The following SSBP3 variants were observed in gnomAD, a reference collection of about 807,000 sequenced individuals.
SSBP3 encodes single-stranded DNA-binding protein 3.
Under a neutral mutation model 69.6 loss-of-function variants are expected in SSBP3, and 5 were observed. That is an observed-to-expected ratio of 0.07 (90% CI 0.04 to 0.15). The LOEUF is 0.15. Ranked by LOEUF, SSBP3 falls within the 10% of genes least tolerant of loss-of-function variation. The pLI, the probability that SSBP3 is intolerant of heterozygous loss-of-function variation, is 1.00. For missense variants in SSBP3, 312 were observed against 534.0 expected, an observed-to-expected ratio of 0.58 and a Z score of 4.10; for synonymous variants, 196 against 193.4, an observed-to-expected ratio of 1.01 and a Z score of -0.11.
chr1:54,335,329 C>T (rs959845229), intron 4 of SSBP3, among the ~76,000 whole-genome samples: 3 of 152,162 alleles, frequency 2.0e-5, no homozygotes, highest in Non-Finnish European at 2.9e-5. Context: ...TATTACATTC[C>T]GACAATGTTT....
upstream of SSBP3, among the ~76,000 whole-genome samples, chr1:54,410,842 G>T (rs1207466769): frequency 6.6e-6 from 1 of 152,202 alleles, no homozygotes; most frequent in Non-Finnish European, 1.5e-5. Context: ...GTCAGTGTTG[G>T]CTGAGCCCAA....
In SSBP3 at chr1:54,279,647, A is replaced by G. The variant is rs3820106; in HGVS notation, c.366+1791T>C. 3.5e-3 allele frequency among the ~76,000 whole-genome samples: 540 copies of G among 152,340 alleles called. 14 individuals are homozygous for G. The South Asian group carries it at 0.05, about 14-fold the overall frequency. On this transcript the variant is annotated intron_variant, in intron 5 of 17. Coordinates refer to ENST00000610401, the Ensembl canonical transcript of SSBP3. ...AAGCCACATCTGCACTGTCTCAAGA[A>G]CATCCATGGCATGTGAGCCTAGAAA...
rs144075450 is a variant in SSBP3 at position 54,259,617 on chromosome 1, G to A, written c.367-1468C>T. ...GTGGCTAAATTAAAAAGAGAGAGGAGCTGCCTAGGTAGGGTTTCCCCCTTG... is the reference window on the plus strand; with the variant it reads ...GTGGCTAAATTAAAAAGAGAGAGGAACTGCCTAGGTAGGGTTTCCCCCTTG... On this transcript the variant is annotated intron_variant, in intron 5 of 17. Coordinates refer to ENST00000610401, the Ensembl canonical transcript of SSBP3. 3.0e-3 allele frequency among the ~76,000 whole-genome samples: 451 copies of A among 152,374 alleles called. 2 individuals carry two copies. The highest frequency in any genetic ancestry group is 6.8e-3 in the Middle Eastern group (2 of 294).
chr1:54,353,551 G>C (rs961947518), intron 4 of SSBP3, among the ~76,000 whole-genome samples: 2 of 152,176 alleles, frequency 1.3e-5, no homozygotes, highest in Non-Finnish European at 2.9e-5. Context: ...CCCAGAAGGG[G>C]AATGGGAGTG....
upstream of SSBP3, among the ~76,000 whole-genome samples, chr1:54,408,551 C>T (rs535253408): frequency 3.9e-5 from 6 of 152,294 alleles, no homozygotes; most frequent in Non-Finnish European, 7.4e-5. Context: ...TGCCCTTCTC[C>T]GGCCCTGCTA....
intron 4 of SSBP3, among the ~76,000 whole-genome samples, chr1:54,359,803 G>A (rs562412205): frequency 8.5e-5 from 13 of 152,194 alleles, no homozygotes; most frequent in Non-Finnish European, 1.5e-4. Flanking sequence ...TCAGGAGGGT[G>A]CGATGCCATC....
intron 3 of SSBP3, 126 bp downstream of exon 3, chr1:54,404,450 C>A (rs760298392): frequency 6.0e-6 from 7 of 1,160,538 alleles, no homozygotes; most frequent in Non-Finnish European, 8.9e-6. Context: ...CCTCGAGGTG[C>A]CCCGCTCTGT....
At position 54,305,362 on chromosome 1, in the gene SSBP3, G is replaced by A. The variant is rs577973613; in HGVS notation, c.277-23835C>T. Among the ~76,000 whole-genome samples the A allele has an allele frequency of 2.9e-4, 41 of 143,204 alleles. No individual in the cohort carries two copies. The East Asian group carries it at 8.2e-3, about 29-fold the overall frequency. 93.9% of individuals were successfully genotyped at this position (143,204 alleles called of 152,430 possible). ...ACCGGCCAGCACATGGTAGGGTTTC[G>A]ATAAATAGCACCATTTTCTATGATG... On this transcript the variant is annotated intron_variant, in intron 4 of 17. Transcript: ENST00000610401.
At chr1:54,331,555 G>A (rs1487134989) in intron 4 of SSBP3, among the ~76,000 whole-genome samples, 1 of 152,186 alleles carries the variant, frequency 6.6e-6, no homozygotes, top group Non-Finnish European at 1.5e-5. Flanking sequence ...ACTGTGCATA[G>A]GATCTCACAG....
At chr1:54,265,099 C>A (rs76779349) in intron 5 of SSBP3, among the ~76,000 whole-genome samples, 2 of 152,322 alleles carry the variant, frequency 1.3e-5, no homozygotes, top group East Asian at 3.9e-4. Context: ...GGGAGAAGGT[C>A]AAGGTGTGCT....
upstream of SSBP3, among the ~76,000 whole-genome samples, chr1:54,407,044 G>C (rs892661862): frequency 1.3e-4 from 20 of 152,014 alleles, no homozygotes; most frequent in Non-Finnish European, 2.9e-4. Flanking sequence ...TGGGCGGCTC[G>C]AGCCGGCGCC....
chr1:54,363,940 G>C (rs922421834), intron 4 of SSBP3, among the ~76,000 whole-genome samples: 4 of 152,168 alleles, frequency 2.6e-5, no homozygotes, highest in South Asian at 2.1e-4. Context: ...GGAAACAAAG[G>C]GGGCAGACCA....
exon 18 of SSBP3, chr1:54,227,086 C>G (rs890979326): frequency 6.4e-7 from 1 of 1,571,660 alleles, no homozygotes. Flanking sequence ...CTGGCATCTT[C>G]CCGCCTGCAA....
intron 4 of SSBP3, among the ~76,000 whole-genome samples, chr1:54,346,415 T>C (rs930776655): frequency 6.6e-6 from 1 of 152,150 alleles, no homozygotes; most frequent in Non-Finnish European, 1.5e-5. Context: ...TGAATTTTGA[T>C]TTGGGGCCTG....
intron 14 of SSBP3, among the ~76,000 whole-genome samples, chr1:54,234,672 C>T (rs1644454716): frequency 6.6e-6 from 1 of 152,032 alleles, no homozygotes; most frequent in African/African-American, 2.4e-5. Context: ...TCTTTCTGCC[C>T]TAGGATACAT....
At chr1:54,239,057 C>G in intron 14 of SSBP3, 72 bp downstream of exon 14, 1 of 1,306,816 alleles carries the variant, frequency 7.7e-7, no homozygotes, top group Non-Finnish European at 1.1e-6. Context: ...AACTTGCTTT[C>G]CCCTCAGCTG....
chr1:54,279,051 C>T (rs1645342907), intron 5 of SSBP3, among the ~76,000 whole-genome samples: 1 of 152,200 alleles, frequency 6.6e-6, no homozygotes, highest in South Asian at 2.1e-4. Context: ...GGCCAGGTAC[C>T]TGGCCTAGCC....
At chr1:54,342,959 C>T (rs750028169) in intron 4 of SSBP3, among the ~76,000 whole-genome samples, 22 of 152,158 alleles carry the variant, frequency 1.4e-4, no homozygotes, top group Non-Finnish European at 2.6e-4. Flanking sequence ...TAAAATACAG[C>T]GTATGGATCA....
intron 4 of SSBP3, among the ~76,000 whole-genome samples, chr1:54,313,008 G>A (rs918566913): frequency 2.6e-5 from 4 of 151,066 alleles, no homozygotes; most frequent in African/African-American, 4.9e-5. Context: ...GCCTGCCCAC[G>A]TGTGCCTGGA....
Sources: gnomAD v4.1 joint callset for allele counts (sites outside exome capture counted in the v4.1 genomes callset) on GRCh38, gnomAD v4.1.1 for gene constraint, MANE v1.5 for transcripts, NCBI Gene and HGNC (gene_info 2026-07-23, HGNC 2026-07-21) for gene names.